Variants in NR2F1-AS1 observed in about 807,000 individuals in gnomAD.
The protein encoded by NR2F1-AS1 is NR2F1 regulatory antisense RNA 1.
intron 4 of NR2F1-AS1, among the ~76,000 whole-genome samples, chr5:93,489,827 T>C (rs1580270856): frequency 1.3e-5 from 2 of 152,228 alleles, no homozygotes; most frequent in East Asian, 3.8e-4. Flanking sequence ...TGCATTCCAA[T>C]TTGTATTAAT....
chr5:93,564,507 A>T (rs1752572335), intron 1 of NR2F1-AS1, among the ~76,000 whole-genome samples: 1 of 152,206 alleles, frequency 6.6e-6, no homozygotes, highest in Non-Finnish European at 1.5e-5. Flanking sequence ...TGCTATTTTT[A>T]GAATGGGGTT....
rs372192818 is a variant in NR2F1-AS1, at chr5:93,515,917, A to C, written n.638+37844T>G. ...CCTTATCAATATCTACAACCAATGA[A>C]GACTTCAAGGATCTGCTGAAAAGGT... is the stretch of plus-strand genomic sequence containing the variant. On this transcript the variant is annotated intron_variant and non_coding_transcript_variant, in intron 4 of 5. Coordinates refer to ENST00000660523, the Ensembl canonical transcript of NR2F1-AS1. Among the ~76,000 whole-genome samples the C allele has an allele frequency of 5.3e-5, 8 of 152,048 alleles. No individual in the cohort carries two copies. In the South Asian group the frequency reaches 1.4e-3, roughly 28 times the overall value.
At chr5:93,424,278 T>C (rs1424950419) in intron 4 of NR2F1-AS1, among the ~76,000 whole-genome samples, 3 of 151,602 alleles carry the variant, frequency 2.0e-5, no homozygotes, top group Non-Finnish European at 4.4e-5. Flanking sequence ...TGACCTACCA[T>C]CACAAACTCT....
intron 4 of NR2F1-AS1, among the ~76,000 whole-genome samples, chr5:93,428,801 T>C (rs1240090801): frequency 6.6e-6 from 1 of 152,214 alleles, no homozygotes; most frequent in African/African-American, 2.4e-5. Flanking sequence ...GAAGTACAGC[T>C]AGAATGCAAA....
intron 2 of NR2F1-AS1, among the ~76,000 whole-genome samples, chr5:93,561,327 C>T (rs1752483095): frequency 6.6e-6 from 1 of 152,122 alleles, no homozygotes; most frequent in Non-Finnish European, 1.5e-5. Flanking sequence ...ACCCACTTCT[C>T]CTTGTGCAAG....
At chr5:93,535,478 GTT>G (rs1751820153) in intron 4 of NR2F1-AS1, among the ~76,000 whole-genome samples, 1 of 151,918 alleles carries the variant, frequency 6.6e-6, no homozygotes, top group Non-Finnish European at 1.5e-5. Flanking sequence ...TTAAAACAGT[GTT>G]AACATGTTGA....
intron 4 of NR2F1-AS1, among the ~76,000 whole-genome samples, chr5:93,528,899 G>T (rs1000452614): frequency 4.0e-5 from 6 of 151,830 alleles, no homozygotes; most frequent in Non-Finnish European, 7.4e-5. Context: ...GGTTTCTCGG[G>T]GGTGGGGGGC....
rs562653332 is a variant in NR2F1-AS1 at position 93,446,752 on chromosome 5, C to T, written n.639-51210G>A. Among the ~76,000 whole-genome samples, 975 of 152,254 alleles carry T rather than the reference C, an allele frequency of 6.4e-3. 7 individuals carry two copies. Among genetic ancestry groups the T allele is most frequent in the Middle Eastern group, 0.021 (6 of 292 alleles). The stretch of plus-strand genomic sequence containing the variant: ...AAGAGCCCACATTGCCAAGACAATC[C>T]TAAGCCAAAAGAACAAAGCTGGAGA... On this transcript the variant is annotated intron_variant and non_coding_transcript_variant, in intron 4 of 5. Transcript: ENST00000660523.
At chr5:93,489,874 G>C (rs1265928932) in intron 4 of NR2F1-AS1, among the ~76,000 whole-genome samples, 1 of 152,130 alleles carries the variant, frequency 6.6e-6, no homozygotes, top group Non-Finnish European at 1.5e-5. Flanking sequence ...ATAGTCAGAT[G>C]TTTGGTCTAG....
intron 1 of NR2F1-AS1, among the ~76,000 whole-genome samples, chr5:93,564,857 T>G (rs750945779): frequency 1.6e-4 from 25 of 152,174 alleles, no homozygotes; most frequent in Non-Finnish European, 3.7e-4. Flanking sequence ...TTTATTATAT[T>G]TATTACATTA....
chr5:93,571,143 G>GC (rs1227475019), intron 1 of NR2F1-AS1: 2 of 152,082 alleles, frequency 1.3e-5, no homozygotes, highest in African/African-American at 2.4e-5. Flanking sequence ...CGGACGAGGG[G>GC]CCGCCACAGG....
chr5:93,468,058 T>C (rs904803687), intron 4 of NR2F1-AS1, among the ~76,000 whole-genome samples: 18 of 152,252 alleles, frequency 1.2e-4, no homozygotes, highest in Admixed American at 4.6e-4. Flanking sequence ...CTATCATTGA[T>C]GGACATTTGG....
At chr5:93,554,408 T>TTAA (rs1420202316) in intron 3 of NR2F1-AS1, among the ~76,000 whole-genome samples, 9 of 152,206 alleles carry the variant, frequency 5.9e-5, no homozygotes, top group Non-Finnish European at 1.2e-4. Context: ...TTCATTCTTG[T>TTAA]TAATACCGAG....
intron 4 of NR2F1-AS1, among the ~76,000 whole-genome samples, chr5:93,475,870 T>A (rs1186005710): frequency 6.6e-6 from 1 of 152,188 alleles, no homozygotes; most frequent in Non-Finnish European, 1.5e-5. Context: ...TTCCACATCA[T>A]TAAATTAAGC....
At chr5:93,501,000 A>G (rs1751067221) in intron 4 of NR2F1-AS1, among the ~76,000 whole-genome samples, 2 of 152,154 alleles carry the variant, frequency 1.3e-5, no homozygotes, top group South Asian at 4.1e-4. Context: ...GGCAAAGTCA[A>G]TTGAAAGCCT....
chr5:93,482,492 G>C (rs1019850013), intron 4 of NR2F1-AS1, among the ~76,000 whole-genome samples: 23 of 152,036 alleles, frequency 1.5e-4, no homozygotes, highest in African/African-American at 4.6e-4. Flanking sequence ...ATATCACCAG[G>C]GCCCTGGATT....
At chr5:93,481,218 A>G (rs1257089031) in intron 4 of NR2F1-AS1, among the ~76,000 whole-genome samples, 1 of 152,082 alleles carries the variant, frequency 6.6e-6, no homozygotes, top group East Asian at 1.9e-4. Flanking sequence ...CAGGCTGGCT[A>G]TACTGATATC....
chr5:93,558,069 T>A (rs1230093203), intron 2 of NR2F1-AS1, among the ~76,000 whole-genome samples: 2 of 152,188 alleles, frequency 1.3e-5, no homozygotes, highest in African/African-American at 4.8e-5. Context: ...TAGTTCTCCC[T>A]ATTTCTACCA....
At chr5:93,453,314 G>A (rs74358686) in intron 4 of NR2F1-AS1, among the ~76,000 whole-genome samples, 1,897 of 151,828 alleles carry the variant, frequency 0.012, 48 homozygotes, top group African/African-American at 0.043. Flanking sequence ...GTACCTGTAC[G>A]ACCATATCAT....
Sources: gnomAD v4.1 joint callset for allele counts (sites outside exome capture counted in the v4.1 genomes callset) on GRCh38, gnomAD v4.1.1 for gene constraint, MANE v1.5 for transcripts, NCBI Gene and HGNC (gene_info 2026-07-23, HGNC 2026-07-21) for gene names.